The following TP63 variants were observed in gnomAD, a reference collection of about 807,000 sequenced individuals.
TP63 encodes tumor protein 63.
In TP63, 17 loss-of-function variants were observed where a neutral mutation model predicts 82.8. The observed-to-expected ratio is 0.21, with a 90% CI of 0.14 to 0.31. The LOEUF is 0.31. TP63 is among the 10% of genes least tolerant of loss of function. The pLI is 1.00. For missense variants in TP63, 648 were observed against 895.3 expected (o/e 0.72, Z 3.52); for synonymous variants, 330 against 321.7 (o/e 1.03, Z -0.28).
At chr3:189,689,938 G>A (rs1716783748) in intron 1 of TP63, among the ~76,000 whole-genome samples, 1 of 152,106 alleles carries the variant, frequency 6.6e-6, no homozygotes, top group South Asian at 2.1e-4. Flanking sequence ...TATATATTGT[G>A]TCTTAACAGG....
chr3:189,772,332 T>C (rs986737436), intron 3 of TP63, among the ~76,000 whole-genome samples: 2 of 152,204 alleles, frequency 1.3e-5, no homozygotes, highest in African/African-American at 4.8e-5. Context: ...GTGATAAGCC[T>C]TAGATCGCAT....
intron 1 of TP63, among the ~76,000 whole-genome samples, chr3:189,697,600 G>A (rs1275392955): frequency 6.6e-6 from 1 of 151,906 alleles, no homozygotes; most frequent in Non-Finnish European, 1.5e-5. Flanking sequence ...AACCTTCCAG[G>A]ATTTTAATTT....
chr3:189,879,459 T>A (rs952138194), intron 10 of TP63, among the ~76,000 whole-genome samples: 8 of 152,204 alleles, frequency 5.3e-5, no homozygotes, highest in African/African-American at 1.7e-4. Context: ...CATCTCAATC[T>A]GGGAATATCC....
At chr3:189,618,078 C>T in the TP63 span, among the ~76,000 whole-genome samples, 1 of 152,148 alleles carries the variant, frequency 6.6e-6, no homozygotes, top group South Asian at 2.1e-4. Context: ...ATGTGGGATC[C>T]TTTGTTTAAA....
At chr3:189,649,220 C>A (rs1712674334) in intron 1 of TP63, among the ~76,000 whole-genome samples, 1 of 146,576 alleles carries the variant, frequency 6.8e-6, no homozygotes, top group South Asian at 2.2e-4. Context: ...ATGCTATTCA[C>A]AATAGCAAAG....
intron 1 of TP63, among the ~76,000 whole-genome samples, chr3:189,670,670 G>A (rs1714813360): frequency 6.6e-6 from 1 of 152,036 alleles, no homozygotes. Context: ...CAAAGCATTA[G>A]TAACCAAAAC....
chr3:189,773,526 TC>T (rs529815691), intron 3 of TP63, among the ~76,000 whole-genome samples: 9 of 152,342 alleles, frequency 5.9e-5, no homozygotes, highest in African/African-American at 1.9e-4. Context: ...CAAAATTGTT[TC>T]CTTTTAGCAG....
At chr3:189,786,879 T>C (rs1001126746) in intron 3 of TP63, among the ~76,000 whole-genome samples, 31 of 152,228 alleles carry the variant, frequency 2.0e-4, no homozygotes, top group African/African-American at 7.2e-4. Flanking sequence ...AATTAATGCA[T>C]GTTACTAAAC....
At chr3:189,774,047 T>C (rs928072267) in intron 3 of TP63, among the ~76,000 whole-genome samples, 74 of 150,906 alleles carry the variant, frequency 4.9e-4, no homozygotes, top group African/African-American at 1.7e-3. Flanking sequence ...CTCAGCCTCC[T>C]GAGTAGCTGG....
At chr3:189,789,741 G>T in intron 3 of TP63, 3 of 1,543,684 alleles carry the variant, frequency 1.9e-6, no homozygotes, top group South Asian at 1.2e-5. Flanking sequence ...GGGTGGGGGG[G>T]TTGGCAAAAT....
At chr3:189,665,480 A>C (rs1333751130) in intron 1 of TP63, among the ~76,000 whole-genome samples, 1 of 152,080 alleles carries the variant, frequency 6.6e-6, no homozygotes, top group South Asian at 2.1e-4. Context: ...AGATTAGAGT[A>C]TATGTAGTTT....
chr3:189,808,130 A>G, intron 3 of TP63, 142 bp from the exon 4 acceptor site: 1 of 1,406,038 alleles, frequency 7.1e-7, no homozygotes, highest in South Asian at 1.2e-5. Flanking sequence ...TTTACCAAAA[A>G]TCAACGGTTT....
At chr3:189,643,454 TTAA>T (rs1462889754) in intron 1 of TP63, among the ~76,000 whole-genome samples, 310 of 110,486 alleles carry the variant, frequency 2.8e-3, no homozygotes, top group Non-Finnish European at 4.4e-3. Flanking sequence ...TTTAAACTGA[TTAA>T]AAAAAAAAAA....
At chr3:189,821,339 G>T (rs1289143806) in intron 4 of TP63, among the ~76,000 whole-genome samples, 1 of 152,216 alleles carries the variant, frequency 6.6e-6, no homozygotes, top group Non-Finnish European at 1.5e-5. Context: ...ACAGCGCTTA[G>T]ATTTGATTCC....
chr3:189,598,857 A>G, the TP63 span, among the ~76,000 whole-genome samples: 1 of 152,224 alleles, frequency 6.6e-6, no homozygotes, highest in African/African-American at 2.4e-5. Context: ...AGTTTCTTGG[A>G]TCTATGGGCA....
intron 1 of TP63, among the ~76,000 whole-genome samples, chr3:189,635,703 G>A (rs1030565847): frequency 3.3e-5 from 5 of 151,814 alleles, no homozygotes; most frequent in African/African-American, 1.2e-4. Flanking sequence ...ACCATTTCCC[G>A]CCATTGCTAA....
At chr3:189,672,244 G>A (rs1431275788) in intron 1 of TP63, among the ~76,000 whole-genome samples, 1 of 152,046 alleles carries the variant, frequency 6.6e-6, no homozygotes, top group Admixed American at 6.6e-5. Context: ...CAAATTTACA[G>A]CTTTAAATAT....
intron 1 of TP63, among the ~76,000 whole-genome samples, chr3:189,651,435 A>G (rs1712877332): frequency 6.9e-6 from 1 of 145,834 alleles, no homozygotes; most frequent in African/African-American, 2.6e-5. Context: ...AATCTCAGCT[A>G]CTTAGGAGGC....
intron 10 of TP63, among the ~76,000 whole-genome samples, chr3:189,879,735 T>C (rs1414465872): frequency 2.0e-5 from 3 of 152,222 alleles, no homozygotes; most frequent in African/African-American, 7.2e-5. Flanking sequence ...TCGCCTTGTG[T>C]AACTTATTAA....
Sources: gnomAD v4.1 joint callset for allele counts (sites outside exome capture counted in the v4.1 genomes callset) on GRCh38, gnomAD v4.1.1 for gene constraint, MANE v1.5 for transcripts, NCBI Gene and HGNC (gene_info 2026-07-23, HGNC 2026-07-21) for gene names.